The following LACTB variants were observed in gnomAD, a reference collection of about 807,000 sequenced individuals.
LACTB encodes lactamase beta, also known as serine beta-lactamase-like protein LACTB, mitochondrial.
A neutral mutation model predicts 50.2 loss-of-function variants in LACTB; 35 were observed. That is an observed-to-expected ratio of 0.70 (90% CI 0.53 to 0.92). The LOEUF (loss-of-function observed/expected upper bound fraction) is 0.92, where lower values mean the gene tolerates loss of function less well. Among genes scored for constraint, LACTB ranks in the 40% least tolerant of loss-of-function variants. The pLI, the probability that LACTB is intolerant of heterozygous loss-of-function variation, is 0.00. For missense variants in LACTB, 664 were observed against 691.8 expected, an observed-to-expected ratio of 0.96 and a Z score of 0.45; for synonymous variants, 252 against 268.2, an observed-to-expected ratio of 0.94 and a Z score of 0.59.
chr15:63,134,647 C>A (rs2037159773), intron 5 of LACTB, among the ~76,000 whole-genome samples: 1 of 152,174 alleles, frequency 6.6e-6, no homozygotes, highest in African/African-American at 2.4e-5. Context: ...CACTTTGCGA[C>A]AAGGGAGGCT....
chr15:63,121,883 C>T lies in LACTB; in HGVS notation c.12C>T (p.Leu4=). The part of the protein sequence containing the change: MYR[L]MSAVTARAAA... The stretch of plus-strand genomic sequence containing the variant: ...TGTGCAGAGACGCCATGTACCGGCT[C>T]ATGTCAGCAGTGACTGCCCGGGCTG... Residue 4 remains leucine, a synonymous_variant, in exon 1 of 6, where the codon CTC becomes CTT. Transcript: ENST00000261893. 1 of 1,403,872 alleles carries T rather than the reference C, an allele frequency of 7.1e-7. No individual in the cohort carries two copies. Among genetic ancestry groups the T allele is most frequent in the Non-Finnish European group, 9.2e-7 (1 of 1,084,074 alleles). The allele number at this position is 1,403,872 out of a possible 1,614,324, so 87.0% of individuals were successfully genotyped here.
At position 63,129,503 on chromosome 15, in the gene LACTB, C is replaced by A; in HGVS notation, c.971C>A (p.Ser324Ter). The A allele has an allele frequency of 6.3e-7, 1 of 1,591,328 alleles. No homozygotes were observed. Among genetic ancestry groups the A allele is most frequent in the Non-Finnish European group, 8.5e-7 (1 of 1,170,678 alleles). ...FFKPGSQFLY[S>*]TFGYTLLAAI... Reference sequence around the variant, plus strand: ...TCTCAAGGTAGTCAGTTTTTGTATTCAACTTTTGGCTATACCCTACTGGCA... The same window carrying A: ...TCTCAAGGTAGTCAGTTTTTGTATTAAACTTTTGGCTATACCCTACTGGCA... Residue 324 changes from serine (S) to a stop codon, truncating the protein, a stop_gained, in exon 5 of 6, where the codon TCA becomes TAA. Transcript: ENST00000261893. LOFTEE classifies it high-confidence loss of function.
chr15:63,127,024 C>A lies in LACTB; in HGVS notation c.590C>A (p.Pro197Gln). ...GTACAACATTATGTTCCCGAATTCC[C>A]AGAAAAAGAATATGAAGGTGAAAAG... ...IPVQHYVPEF[P>Q]EKEYEGEKVS... Residue 197 changes from proline (P) to glutamine (Q), a missense_variant, in exon 3 of 6, where the codon CCA (proline) becomes CAA (glutamine). By Grantham distance (76) the Pro-to-Gln change is moderately conservative. Transcript: ENST00000261893. 1.9e-6 allele frequency: 3 copies of A among 1,604,552 alleles called. No individual in the cohort carries two copies. Among genetic ancestry groups the A allele is most frequent in the Middle Eastern group, 1.7e-4 (1 of 5,802 alleles).
intron 5 of LACTB, among the ~76,000 whole-genome samples, chr15:63,137,160 CTG>C (rs948169598): frequency 6.6e-6 from 1 of 152,154 alleles, no homozygotes; most frequent in Non-Finnish European, 1.5e-5. Flanking sequence ...AGTGGGGACA[CTG>C]TTTCTGTTTA....
Position 63,132,827 on chromosome 15 carries a change from A to T in LACTB, c.1118+3177A>T, listed in dbSNP as rs534270562. On this transcript the variant is annotated intron_variant, in intron 5 of 5. Coordinates refer to ENST00000261893, the MANE Select transcript of LACTB (RefSeq NM_032857.5). ...GAGAGCGAGACCCCATTTAAAAAAAATTTTTTTTTGATATATTATAAAAAT... is the reference window on the plus strand; with the variant it reads ...GAGAGCGAGACCCCATTTAAAAAAATTTTTTTTTTGATATATTATAAAAAT... Among the ~76,000 whole-genome samples the T allele has an allele frequency of 4.9e-3, 749 of 152,272 alleles. 6 individuals carry two copies. Among genetic ancestry groups the T allele is most frequent in the African/African-American group, 0.016 (647 of 41,546 alleles).
At chr15:63,136,468 A>C (rs886575434) in intron 5 of LACTB, among the ~76,000 whole-genome samples, 1 of 151,932 alleles carries the variant, frequency 6.6e-6, no homozygotes, top group Non-Finnish European at 1.5e-5. Flanking sequence ...GATGGTTCTA[A>C]AGGGTAGTTG....
intron 5 of LACTB, among the ~76,000 whole-genome samples, chr15:63,138,560 T>C (rs2037196005): frequency 6.6e-6 from 1 of 152,208 alleles, no homozygotes; most frequent in Non-Finnish European, 1.5e-5. Flanking sequence ...TAAAATTATT[T>C]TCATAAAAAT....
intron 5 of LACTB, among the ~76,000 whole-genome samples, chr15:63,140,656 AT>A (rs1386050283): frequency 7.3e-5 from 11 of 151,550 alleles, no homozygotes; most frequent in African/African-American, 2.4e-4. Context: ...TTTGTTTAGA[AT>A]TTTTTTTTAG....
Position 63,122,538 on chromosome 15 carries a change from C to T in LACTB, c.358-98C>T, listed in dbSNP as rs925106547. 5.1e-6 allele frequency: 5 copies of T among 981,800 alleles called. No homozygotes were observed. In the Admixed American group the frequency reaches 5.3e-5, roughly 10 times the overall value. 60.8% of individuals were successfully genotyped at this position (981,800 alleles called of 1,614,324 possible). On this transcript the variant is annotated intron_variant, in intron 1 of 5. Transcript: ENST00000261893. ...CGGGGCCCAGGTGGAGGGGGCGGGG[C>T]CCAGGCTCAGGGGGCGGGGCCTTGG... is the stretch of plus-strand genomic sequence containing the variant.
intron 5 of LACTB, among the ~76,000 whole-genome samples, chr15:63,140,495 C>A (rs764652520): frequency 1.1e-4 from 17 of 152,164 alleles, no homozygotes; most frequent in Non-Finnish European, 2.1e-4. Context: ...AACCCTACTT[C>A]ACTCAATATT....
At chr15:63,134,657 T>A (rs2037159864) in intron 5 of LACTB, among the ~76,000 whole-genome samples, 1 of 152,230 alleles carries the variant, frequency 6.6e-6, no homozygotes, top group South Asian at 2.1e-4. Flanking sequence ...CAAGGGAGGC[T>A]GAGAAATGTA....
intron 2 of LACTB, among the ~76,000 whole-genome samples, chr15:63,126,446 C>G (rs2037054956): frequency 6.6e-6 from 1 of 152,158 alleles, no homozygotes; most frequent in African/African-American, 2.4e-5. Flanking sequence ...CCGGCCCACA[C>G]TTACTTTTAT....
At chr15:63,136,754 A>G (rs1326891088) in intron 5 of LACTB, among the ~76,000 whole-genome samples, 2 of 152,166 alleles carry the variant, frequency 1.3e-5, no homozygotes, top group South Asian at 4.1e-4. Flanking sequence ...CTTAATAAAT[A>G]TATATGTTTG....
intron 2 of LACTB, among the ~76,000 whole-genome samples, chr15:63,126,249 C>A (rs1355499958): frequency 6.6e-6 from 1 of 152,216 alleles, no homozygotes; most frequent in East Asian, 1.9e-4. Context: ...TCAAGCGATT[C>A]TCCTGCCTCA....
intron 5 of LACTB, among the ~76,000 whole-genome samples, chr15:63,136,302 G>C (rs1167145018): frequency 6.6e-6 from 1 of 152,120 alleles, no homozygotes; most frequent in Non-Finnish European, 1.5e-5. Context: ...CTCCCAAAGT[G>C]TTGGGATTAC....
chr15:63,121,870 C>T lies in LACTB; in HGVS notation c.-2C>T. 1.4e-6 allele frequency: 2 copies of T among 1,380,602 alleles called. No individual in the cohort carries two copies. The highest frequency in any genetic ancestry group is 1.9e-6 in the Non-Finnish European group (2 of 1,073,522). 85.5% of individuals were successfully genotyped at this position (1,380,602 alleles called of 1,614,324 possible). A position where few individuals can be genotyped will look rare whatever the true frequency, so the allele number is the denominator to read the frequency against. ...GGTGGCGGCCGGCTGTGCAGAGACG[C>T]CATGTACCGGCTCATGTCAGCAGTG... On this transcript the variant is annotated 5_prime_UTR_variant, in exon 1 of 6. Coordinates refer to ENST00000261893, the MANE Select transcript of LACTB (RefSeq NM_032857.5).
chr15:63,124,060 C>A (rs1003868759), intron 2 of LACTB, among the ~76,000 whole-genome samples: 5 of 152,076 alleles, frequency 3.3e-5, no homozygotes, highest in African/African-American at 9.7e-5. Context: ...TCTTCGCTAC[C>A]GCTAGACCAC....
At chr15:63,135,624 G>T (rs893406755) in intron 5 of LACTB, among the ~76,000 whole-genome samples, 2 of 152,156 alleles carry the variant, frequency 1.3e-5, no homozygotes, top group Non-Finnish European at 2.9e-5. Context: ...GAGGCTGAGC[G>T]GGGAGGATCA....
chr15:63,123,423 C>T (rs1282711001), intron 2 of LACTB, among the ~76,000 whole-genome samples: 2 of 152,188 alleles, frequency 1.3e-5, no homozygotes, highest in African/African-American at 2.4e-5. Context: ...TGGGGTTATA[C>T]ACTATTGTAG....
Sources: gnomAD v4.1 joint callset for allele counts (sites outside exome capture counted in the v4.1 genomes callset) on GRCh38, gnomAD v4.1.1 for gene constraint, MANE v1.5 for transcripts, NCBI Gene and HGNC (gene_info 2026-07-23, HGNC 2026-07-21) for gene names.